CAMTA1: variants seen among roughly 807,000 people sequenced by gnomAD.
The protein encoded by CAMTA1 is calmodulin-binding transcription activator 1.
Under a neutral mutation model 170.9 loss-of-function variants are expected in CAMTA1, and 27 were observed. That is an observed-to-expected ratio of 0.16 (90% CI 0.12 to 0.22). CAMTA1 has a LOEUF of 0.22. CAMTA1 is among the 10% of genes least tolerant of loss of function. The probability of loss-of-function intolerance (pLI) is 1.00; values close to 1 mark genes in which losing one functional copy is unlikely to be tolerated. For missense variants in CAMTA1, 1,619 were observed against 2,217.2 expected (o/e 0.73, Z 5.42); for synonymous variants, 833 against 891.5 (o/e 0.93, Z 1.17).
chr1:7,232,696 T>C (rs4908450), intron 4 of CAMTA1, among the ~76,000 whole-genome samples: 104,925 of 151,992 alleles, frequency 0.69, 37,310 homozygotes, highest in African/African-American at 0.87. Flanking sequence ...CGGCTGTTTA[T>C]GTAGCTCTCC....
chr1:7,488,670 C>T (rs1014516008), intron 6 of CAMTA1, among the ~76,000 whole-genome samples: 1 of 152,106 alleles, frequency 6.6e-6, no homozygotes, highest in East Asian at 1.9e-4. Context: ...CATATAAACA[C>T]TTGCATACAC....
intron 11 of CAMTA1, among the ~76,000 whole-genome samples, chr1:7,705,425 C>G (rs900397734): frequency 6.6e-6 from 1 of 150,492 alleles, no homozygotes; most frequent in Non-Finnish European, 1.5e-5. Context: ...TGTCTGGGTG[C>G]GCGCGCGGGC....
intron 5 of CAMTA1, among the ~76,000 whole-genome samples, chr1:7,390,165 T>C (rs1224467561): frequency 6.6e-6 from 1 of 152,158 alleles, no homozygotes; most frequent in Non-Finnish European, 1.5e-5. Flanking sequence ...CTGAGGACCC[T>C]GGAGAAATTC....
At chr1:7,554,354 T>C (rs953265854) in intron 6 of CAMTA1, among the ~76,000 whole-genome samples, 10 of 152,128 alleles carry the variant, frequency 6.6e-5, no homozygotes, top group African/African-American at 2.4e-4. Flanking sequence ...CAAATGCTGT[T>C]CTAGGTGTGA....
intron 6 of CAMTA1, among the ~76,000 whole-genome samples, chr1:7,531,603 A>G (rs906058854): frequency 3.3e-5 from 5 of 152,228 alleles, no homozygotes; most frequent in African/African-American, 1.2e-4. Context: ...CAGGCCTGAG[A>G]GAAGTGTGCC....
intron 3 of CAMTA1, among the ~76,000 whole-genome samples, chr1:7,006,014 CAGG>C (rs1280787446): frequency 6.6e-6 from 1 of 152,064 alleles, no homozygotes; most frequent in Non-Finnish European, 1.5e-5. Context: ...ACAGAGAGGA[CAGG>C]GAAGGTAGCA....
At chr1:6,909,348 G>C (rs1053347622) in intron 3 of CAMTA1, among the ~76,000 whole-genome samples, 18 of 152,242 alleles carry the variant, frequency 1.2e-4, no homozygotes, top group African/African-American at 3.6e-4. Context: ...CAAAAGTATA[G>C]TTATTTCATT....
chr1:7,259,488 C>T (rs1667867476), intron 5 of CAMTA1, among the ~76,000 whole-genome samples: 1 of 152,146 alleles, frequency 6.6e-6, no homozygotes, highest in South Asian at 2.1e-4. Context: ...TTAGTATGAG[C>T]CCCAGGTGGT....
chr1:7,605,604 A>G (rs946232615), intron 6 of CAMTA1, among the ~76,000 whole-genome samples: 4 of 152,184 alleles, frequency 2.6e-5, no homozygotes, highest in Admixed American at 1.3e-4. Flanking sequence ...TGACTAGGAA[A>G]GGGAATTCCC....
At position 6,902,073 on chromosome 1, in the gene CAMTA1, A is replaced by ACACAC. The variant is rs772368106; in HGVS notation, c.234+76863_234+76864insCACAC. ...CACACACACACACACACACACACAC[A>ACACAC]AAAAAAAAAATAAAAATAAAAACTC... On this transcript the variant is annotated intron_variant, in intron 3 of 22. Coordinates refer to ENST00000303635, the MANE Select transcript of CAMTA1 (RefSeq NM_015215.4). Among the ~76,000 whole-genome samples the ACACAC allele has an allele frequency of 9.5e-3, 744 of 78,414 alleles. 5 individuals are homozygous for ACACAC. The highest frequency in any genetic ancestry group is 0.044 in the South Asian group (84 of 1,910). The allele number at this position is 78,414 out of a possible 152,430, so 51.4% of individuals were successfully genotyped here. A position where few individuals can be genotyped will look rare whatever the true frequency, so the allele number is the denominator to read the frequency against.
chr1:7,172,227 G>A (rs1335266424), intron 4 of CAMTA1, among the ~76,000 whole-genome samples: 2 of 151,838 alleles, frequency 1.3e-5, no homozygotes, highest in East Asian at 3.9e-4. Flanking sequence ...TTGCCTCACC[G>A]CAACCTCTGC....
At chr1:7,001,655 G>GA in intron 3 of CAMTA1, among the ~76,000 whole-genome samples, 1 of 152,288 alleles carries the variant, frequency 6.6e-6, no homozygotes, top group East Asian at 1.9e-4. Flanking sequence ...TTCAAAGGAT[G>GA]CTGGTCTTCA....
At chr1:7,001,124 G>A (rs370440957) in intron 3 of CAMTA1, among the ~76,000 whole-genome samples, 12 of 152,184 alleles carry the variant, frequency 7.9e-5, no homozygotes, top group African/African-American at 1.9e-4. Context: ...CTTAATCATC[G>A]TGAAAATCCC....
chr1:7,260,376 T>C (rs765845328), intron 5 of CAMTA1, among the ~76,000 whole-genome samples: 1 of 152,274 alleles, frequency 6.6e-6, no homozygotes, highest in Non-Finnish European at 1.5e-5. Flanking sequence ...TCTTCTTTAA[T>C]GCATGTAGCA....
intron 7 of CAMTA1, among the ~76,000 whole-genome samples, chr1:7,646,549 G>A (rs1330896778): frequency 6.7e-6 from 1 of 149,752 alleles, no homozygotes; most frequent in Non-Finnish European, 1.5e-5. Flanking sequence ...GAAGGTGGAG[G>A]CTGTGGTGAG....
chr1:7,347,695 C>T (rs1032665630), intron 5 of CAMTA1, among the ~76,000 whole-genome samples: 1 of 152,156 alleles, frequency 6.6e-6, no homozygotes, highest in African/African-American at 2.4e-5. Flanking sequence ...GACCCCTCTT[C>T]AGCTCCTGGT....
chr1:7,056,938 C>T (rs77170718), intron 3 of CAMTA1, among the ~76,000 whole-genome samples: 1 of 152,166 alleles, frequency 6.6e-6, no homozygotes, highest in Non-Finnish European at 1.5e-5. Context: ...TGGTTATGAA[C>T]CCCAGTGTCA....
intron 5 of CAMTA1, among the ~76,000 whole-genome samples, chr1:7,395,423 G>A (rs867197981): frequency 3.3e-5 from 5 of 152,084 alleles, no homozygotes; most frequent in East Asian, 3.9e-4. Context: ...TGTTCCATTC[G>A]TCTATATGTC....
At chr1:6,946,611 A>G (rs1041645717) in intron 3 of CAMTA1, among the ~76,000 whole-genome samples, 1 of 152,182 alleles carries the variant, frequency 6.6e-6, no homozygotes, top group Non-Finnish European at 1.5e-5. Context: ...ATATTTGTGT[A>G]TCTTCTTTGG....
Sources: allele counts gnomAD v4.1 joint callset (sites outside exome capture counted in the v4.1 genomes callset), GRCh38; gene constraint gnomAD v4.1.1; transcripts MANE v1.5; gene names NCBI Gene and HGNC (gene_info 2026-07-23, HGNC 2026-07-21).